Variants in THRB observed in about 807,000 individuals in gnomAD.
THRB encodes nuclear receptor subfamily 1 group A member 2.
THRB carries 12 observed loss-of-function variants against 47.8 expected under a neutral mutation model. That is an observed-to-expected ratio of 0.25 (90% CI 0.16 to 0.41). The LOEUF (loss-of-function observed/expected upper bound fraction) is 0.41, where lower values mean the gene tolerates loss of function less well. THRB is among the 10% of genes least tolerant of loss of function. THRB has a pLI of 1.00. For synonymous variants in THRB, 218 were observed against 212.2 expected, an observed-to-expected ratio of 1.03 and a Z score of -0.24; for missense variants, 348 against 589.2, an observed-to-expected ratio of 0.59 and a Z score of 4.24.
intron 6 of THRB, among the ~76,000 whole-genome samples, chr3:24,148,809 G>C (rs2036495695): frequency 6.6e-6 from 1 of 152,188 alleles, no homozygotes; most frequent in East Asian, 1.9e-4. Context: ...GAATAAAATA[G>C]AAAAACATCA....
chr3:24,270,987 T>TTCCAAG (rs1559787997), intron 3 of THRB, among the ~76,000 whole-genome samples: 1 of 152,194 alleles, frequency 6.6e-6, no homozygotes, highest in Non-Finnish European at 1.5e-5. Flanking sequence ...CCTTCTCCCT[T>TTCCAAG]GGATGCTCTG....
At chr3:24,311,475 T>G (rs1002152604) in intron 2 of THRB, among the ~76,000 whole-genome samples, 2 of 152,158 alleles carry the variant, frequency 1.3e-5, no homozygotes, top group African/African-American at 2.4e-5. Flanking sequence ...CCAGAGCCCA[T>G]GCTACAAAGA....
At chr3:24,417,289 T>C (rs2068839430) in intron 1 of THRB, among the ~76,000 whole-genome samples, 1 of 151,892 alleles carries the variant, frequency 6.6e-6, no homozygotes. Flanking sequence ...TAATGTAAAA[T>C]AAATAAGAAA....
intron 1 of THRB, among the ~76,000 whole-genome samples, chr3:24,480,234 A>T (rs1696161821): frequency 6.6e-6 from 1 of 152,172 alleles, no homozygotes; most frequent in African/African-American, 2.4e-5. Context: ...CTTTTGAAAG[A>T]ATATTGCACT....
intron 1 of THRB, among the ~76,000 whole-genome samples, chr3:24,464,254 AG>A (rs2073952681): frequency 2.8e-5 from 4 of 144,522 alleles, no homozygotes. Flanking sequence ...AAAAAAAAAA[AG>A]AAAAAAAAAA....
chr3:24,152,843 T>C (rs938730796), intron 5 of THRB, among the ~76,000 whole-genome samples: 2 of 151,502 alleles, frequency 1.3e-5, no homozygotes, highest in Non-Finnish European at 2.9e-5. Context: ...GCACCTGTAA[T>C]CCCAGCTACT....
At chr3:24,450,464 G>C (rs2125521697) in intron 1 of THRB, among the ~76,000 whole-genome samples, 1 of 152,244 alleles carries the variant, frequency 6.6e-6, no homozygotes, top group East Asian at 1.9e-4. Flanking sequence ...ATCTCCATTT[G>C]TGCATTTATG....
chr3:24,361,705 C>G (rs2064079958), intron 1 of THRB, among the ~76,000 whole-genome samples: 1 of 152,076 alleles, frequency 6.6e-6, no homozygotes, highest in Non-Finnish European at 1.5e-5. Context: ...ACTAGTGGCT[C>G]CTTATGTATG....
intron 1 of THRB, among the ~76,000 whole-genome samples, chr3:24,369,772 G>A (rs979702845): frequency 6.6e-6 from 1 of 152,148 alleles, no homozygotes; most frequent in African/African-American, 2.4e-5. Flanking sequence ...AACTGAAGAT[G>A]TATTTCTTTG....
intron 2 of THRB, among the ~76,000 whole-genome samples, chr3:24,308,974 C>T (rs2057553071): frequency 6.6e-6 from 1 of 152,108 alleles, no homozygotes; most frequent in African/African-American, 2.4e-5. Context: ...ACTCAGGCCC[C>T]AAACAGAACC....
chr3:24,440,078 G>A (rs533116437), intron 1 of THRB, among the ~76,000 whole-genome samples: 22 of 152,120 alleles, frequency 1.4e-4, no homozygotes, highest in African/African-American at 1.9e-4. Context: ...AAACTAAGTC[G>A]TAAATAACAA....
At position 24,433,466 on chromosome 3, in the gene THRB, G is replaced by C. The variant is rs570983865; in HGVS notation, c.-261+61186C>G. 5.3e-5 allele frequency among the ~76,000 whole-genome samples: 8 copies of C among 152,226 alleles called. 1 individual carries two copies. In the South Asian group the frequency reaches 1.7e-3, roughly 32 times the overall value. On this transcript the variant is annotated intron_variant, in intron 1 of 10. Coordinates refer to ENST00000646209, the MANE Select transcript of THRB (RefSeq NM_001354712.2). ...AAATCAAGGAGATGTGTGGCCACTA[G>C]AAGCTGAAAAAGGCAAGGAAATGGA...
intron 3 of THRB, among the ~76,000 whole-genome samples, chr3:24,287,773 A>C (rs2055475222): frequency 6.6e-6 from 1 of 152,228 alleles, no homozygotes; most frequent in African/African-American, 2.4e-5. Flanking sequence ...TAGGAACACA[A>C]TTCAAATGTA....
At chr3:24,487,072 T>G (rs1349684280) in intron 1 of THRB, among the ~76,000 whole-genome samples, 1 of 152,146 alleles carries the variant, frequency 6.6e-6, no homozygotes, top group South Asian at 2.1e-4. Context: ...GGACAGAAAT[T>G]TAGCAGGACT....
rs139655046 is a variant in THRB, at chr3:24,276,135, A to G, written c.-43+21091T>C. Among the ~76,000 whole-genome samples the G allele has an allele frequency of 2.6e-3, 394 of 152,228 alleles. 9 individuals carry two copies. Among genetic ancestry groups the G allele is most frequent in the East Asian group, 0.025 (129 of 5,180 alleles). On this transcript the variant is annotated intron_variant, in intron 3 of 10. Coordinates refer to ENST00000646209, the MANE Select transcript of THRB (RefSeq NM_001354712.2). ...TACTTGGAGACTCAAGGACAAGTTT[A>G]AACATCTATTGTGTATGGCTATGCT...
intron 1 of THRB, among the ~76,000 whole-genome samples, chr3:24,428,425 G>C (rs2070000061): frequency 6.6e-6 from 1 of 152,038 alleles, no homozygotes; most frequent in Admixed American, 6.6e-5. Context: ...AAGTGATCAA[G>C]CCTGTCTCTT....
chr3:24,285,960 T>A (rs2055239703), intron 3 of THRB, among the ~76,000 whole-genome samples: 3 of 152,144 alleles, frequency 2.0e-5, no homozygotes, highest in Admixed American at 6.5e-5. Flanking sequence ...GGTAGTTGGG[T>A]TAGATTAGGT....
chr3:24,149,492 T>C (rs931483426), intron 6 of THRB, among the ~76,000 whole-genome samples: 5 of 152,226 alleles, frequency 3.3e-5, no homozygotes, highest in Admixed American at 6.5e-5. Context: ...AAAGTCACTC[T>C]GTTCACTTTT....
intron 1 of THRB, among the ~76,000 whole-genome samples, chr3:24,465,706 G>C (rs2074089491): frequency 6.6e-6 from 1 of 152,018 alleles, no homozygotes; most frequent in African/African-American, 2.4e-5. Context: ...ACCCGGCCTA[G>C]AATTTTCCTT....
Sources: allele counts gnomAD v4.1 joint callset (sites outside exome capture counted in the v4.1 genomes callset), GRCh38; gene constraint gnomAD v4.1.1; transcripts MANE v1.5; gene names NCBI Gene and HGNC (gene_info 2026-07-23, HGNC 2026-07-21).